The following EYS variants were observed in gnomAD, a reference collection of about 807,000 sequenced individuals.
The protein encoded by EYS is protein eyes shut homolog.
EYS carries 250 observed loss-of-function variants against 282.1 expected under a neutral mutation model. The ratio of observed to expected loss-of-function variants is 0.89; its 90% CI spans 0.80 to 0.98. The LOEUF is 0.98. Ranked by LOEUF, EYS falls within the 50% of genes least tolerant of loss-of-function variation. The pLI, the probability that EYS is intolerant of heterozygous loss-of-function variation, is 0.00. For synonymous variants in EYS, 1,355 were observed against 1,282.9 expected (o/e 1.06, Z -1.20); for missense variants, 4,016 against 3,709.0 (o/e 1.08, Z -2.15).
intron 31 of EYS, 43 bp downstream of exon 31, chr6:64,230,549 G>T: frequency 7.1e-7 from 1 of 1,407,464 alleles, no homozygotes; most frequent in Non-Finnish European, 9.8e-7. Context: ...TCTCTGGAGA[G>T]GTTTTTAAAA....
intron 1 of EYS, among the ~76,000 whole-genome samples, chr6:65,644,238 T>C (rs971318193): frequency 9.2e-5 from 14 of 152,046 alleles, no homozygotes; most frequent in Admixed American, 2.6e-4. Context: ...TCACAACTTA[T>C]AGAAAGAAGG....
intron 19 of EYS, among the ~76,000 whole-genome samples, chr6:64,861,133 G>C (rs974869179): frequency 4.6e-5 from 7 of 152,202 alleles, no homozygotes; most frequent in African/African-American, 1.7e-4. Context: ...CACTGTTCAT[G>C]GTGTCCAGGC....
At chr6:64,941,041 C>G (rs1769071812) in intron 15 of EYS, among the ~76,000 whole-genome samples, 1 of 152,016 alleles carries the variant, frequency 6.6e-6, no homozygotes, top group Non-Finnish European at 1.5e-5. Context: ...GATTATGCAT[C>G]TACATAAGAG....
chr6:65,420,901 CAATGGTGGGCTTAAA>C (rs1196681690), intron 5 of EYS, among the ~76,000 whole-genome samples: 1 of 151,610 alleles, frequency 6.6e-6, no homozygotes, highest in Non-Finnish European at 1.5e-5. Flanking sequence ...CAGCAGGTCA[CAATGGTGGGCTTAAA>C]ATATTCACTA....
intron 26 of EYS, among the ~76,000 whole-genome samples, chr6:64,536,356 C>T (rs559640533): frequency 2.6e-5 from 4 of 152,180 alleles, no homozygotes; most frequent in South Asian, 2.1e-4. Context: ...GATCATTCAC[C>T]TTAACTGTCA....
At chr6:64,792,426 TA>T (rs1479575660) in intron 22 of EYS, among the ~76,000 whole-genome samples, 1 of 152,104 alleles carries the variant, frequency 6.6e-6, no homozygotes, top group South Asian at 2.1e-4. Context: ...ACACCAAGTT[TA>T]TGATCATAGG....
intron 2 of EYS, among the ~76,000 whole-genome samples, chr6:65,504,418 A>G (rs770154678): frequency 1.3e-5 from 2 of 151,738 alleles, no homozygotes; most frequent in African/African-American, 2.4e-5. Context: ...TTCTAATTGT[A>G]CTAGCTAGAA....
chr6:64,121,412 TAGAA>T (rs146462892), intron 31 of EYS, among the ~76,000 whole-genome samples: 2,098 of 152,294 alleles, frequency 0.014, 41 homozygotes, highest in African/African-American at 0.048. Flanking sequence ...GATTAGGACT[TAGAA>T]AGGTTTAGTA....
intron 31 of EYS, among the ~76,000 whole-genome samples, chr6:64,163,305 A>C (rs1453455665): frequency 1.3e-5 from 2 of 152,114 alleles, no homozygotes; most frequent in Non-Finnish European, 2.9e-5. Context: ...CTCTTATTTC[A>C]ATCATTTCGT....
chr6:65,441,890 A>G (rs78446260), intron 5 of EYS, among the ~76,000 whole-genome samples: 85 of 152,152 alleles, frequency 5.6e-4, no homozygotes, highest in Non-Finnish European at 9.6e-4. Context: ...TGACACAGGA[A>G]GTTCAAGGCC....
At chr6:63,817,296 T>C (rs1189963370) in intron 36 of EYS, among the ~76,000 whole-genome samples, 3 of 152,146 alleles carry the variant, frequency 2.0e-5, no homozygotes, top group South Asian at 2.1e-4. Flanking sequence ...ACCTAGAGGA[T>C]AGCAACAACT....
intron 33 of EYS, 21 bp from the exon 34 acceptor site, chr6:63,999,204 G>T (rs1210797811): frequency 2.0e-6 from 3 of 1,494,210 alleles, no homozygotes; most frequent in South Asian, 1.2e-5. Flanking sequence ...AACAGAAGAG[G>T]CCATTATGAT....
At chr6:64,164,001 A>G (rs1207708956) in intron 31 of EYS, among the ~76,000 whole-genome samples, 1 of 152,074 alleles carries the variant, frequency 6.6e-6, no homozygotes. Flanking sequence ...TTTGTTTTCC[A>G]GTTTGGAAAA....
chr6:64,362,507 T>C (rs1332826441), intron 29 of EYS, among the ~76,000 whole-genome samples: 2 of 151,836 alleles, frequency 1.3e-5, no homozygotes, highest in Non-Finnish European at 2.9e-5. Context: ...GAAAACAATC[T>C]ATCCACAAAT....
chr6:64,169,206 G>A (rs929956818), intron 31 of EYS, among the ~76,000 whole-genome samples: 1 of 152,120 alleles, frequency 6.6e-6, no homozygotes, highest in African/African-American at 2.4e-5. Flanking sequence ...ATGAACGAAT[G>A]ACATGATCCT....
At chr6:64,708,429 C>T (rs1030597793) in intron 22 of EYS, among the ~76,000 whole-genome samples, 4 of 152,116 alleles carry the variant, frequency 2.6e-5, no homozygotes, top group Admixed American at 6.6e-5. Context: ...CTTTTACTCC[C>T]AATTCCAAAT....
At chr6:65,705,952 C>T (rs1442121047) in intron 1 of EYS, among the ~76,000 whole-genome samples, 2 of 151,808 alleles carry the variant, frequency 1.3e-5, no homozygotes, top group East Asian at 3.9e-4. Flanking sequence ...ATAATATAAA[C>T]TGAATCATTA....
At chr6:64,711,738 C>T (rs78052122) in intron 22 of EYS, among the ~76,000 whole-genome samples, 7,160 of 152,248 alleles carry the variant, frequency 0.047, 232 homozygotes, top group East Asian at 0.18. Context: ...ATTCTAAATA[C>T]GCTATGCTAT....
At chr6:65,641,015 G>C (rs1212493995) in intron 1 of EYS, among the ~76,000 whole-genome samples, 1 of 151,862 alleles carries the variant, frequency 6.6e-6, no homozygotes, top group South Asian at 2.1e-4. Flanking sequence ...TTCTCTTCCT[G>C]TATTTTCCTT....
Sources: gnomAD v4.1 joint callset for allele counts (sites outside exome capture counted in the v4.1 genomes callset) on GRCh38, gnomAD v4.1.1 for gene constraint, MANE v1.5 for transcripts, NCBI Gene and HGNC (gene_info 2026-07-23, HGNC 2026-07-21) for gene names.